Variants in CNTNAP2 observed in about 807,000 individuals in gnomAD.
The protein encoded by CNTNAP2 is contactin associated protein 2, also known as contactin-associated protein-like 2.
Under a neutral mutation model 155.2 loss-of-function variants are expected in CNTNAP2, and 98 were observed. The ratio of observed to expected loss-of-function variants is 0.63; its 90% CI spans 0.54 to 0.75. The LOEUF (loss-of-function observed/expected upper bound fraction) is 0.75, where lower values mean the gene tolerates loss of function less well. Among genes scored for constraint, CNTNAP2 ranks in the 30% least tolerant of loss-of-function variants. The pLI, the probability that CNTNAP2 is intolerant of heterozygous loss-of-function variation, is 0.00. For missense variants in CNTNAP2, 1,727 were observed against 1,688.1 expected (o/e 1.02, Z -0.40); for synonymous variants, 651 against 631.2 (o/e 1.03, Z -0.47).
chr7:147,939,609 G>C (rs1800679100), intron 14 of CNTNAP2, among the ~76,000 whole-genome samples: 1 of 152,120 alleles, frequency 6.6e-6, no homozygotes, highest in Non-Finnish European at 1.5e-5. Context: ...TTACAGGCGT[G>C]AGCCACCACG....
At chr7:147,578,626 A>G (rs558249166) in intron 12 of CNTNAP2, among the ~76,000 whole-genome samples, 3 of 152,284 alleles carry the variant, frequency 2.0e-5, no homozygotes, top group South Asian at 2.1e-4. Context: ...TTCCTAGATT[A>G]TAAGAATGTT....
chr7:147,514,402 A>C (rs1799079503), intron 11 of CNTNAP2, among the ~76,000 whole-genome samples: 1 of 152,008 alleles, frequency 6.6e-6, no homozygotes, highest in African/African-American at 2.4e-5. Flanking sequence ...CATTTTAAAT[A>C]GGTTTCAATA....
intron 22 of CNTNAP2, among the ~76,000 whole-genome samples, chr7:148,391,421 A>T (rs1799345948): frequency 1.3e-5 from 2 of 152,166 alleles, no homozygotes; most frequent in African/African-American, 4.8e-5. Flanking sequence ...TAAACAAAAG[A>T]CTTACACATT....
intron 1 of CNTNAP2, chr7:146,195,135 T>C (rs1798757203): frequency 6.6e-6 from 1 of 152,232 alleles, no homozygotes; most frequent in Admixed American, 6.5e-5. Flanking sequence ...ACCAAGTGTC[T>C]TCAGCCTTGG....
chr7:146,788,400 G>A (rs939996457), intron 2 of CNTNAP2, among the ~76,000 whole-genome samples: 3 of 152,324 alleles, frequency 2.0e-5, no homozygotes, highest in East Asian at 3.9e-4. Context: ...GACTCTTCTC[G>A]TATTATGGTA....
At chr7:147,379,479 G>A (rs150554207) in intron 9 of CNTNAP2, among the ~76,000 whole-genome samples, 40 of 152,144 alleles carry the variant, frequency 2.6e-4, no homozygotes, top group Non-Finnish European at 5.3e-4. Context: ...TGAATCCAGA[G>A]AGGGGTTACA....
At chr7:148,284,697 G>A (rs62470563) in intron 21 of CNTNAP2, among the ~76,000 whole-genome samples, 25,422 of 151,792 alleles carry the variant, frequency 0.17, 2,490 homozygotes, top group Middle Eastern at 0.24. Context: ...CGTGGAAGGG[G>A]AACATAACAT....
At chr7:148,217,686 G>A (rs1374785161) in intron 19 of CNTNAP2, among the ~76,000 whole-genome samples, 162 bp downstream of exon 19, 1 of 152,224 alleles carries the variant, frequency 6.6e-6, no homozygotes, top group Non-Finnish European at 1.5e-5. Flanking sequence ...ATGAATATCA[G>A]GAAAACAACT....
chr7:147,780,411 T>A (rs554968988), intron 13 of CNTNAP2, among the ~76,000 whole-genome samples: 1 of 152,226 alleles, frequency 6.6e-6, no homozygotes, highest in Non-Finnish European at 1.5e-5. Context: ...CAGGTTTTTT[T>A]TAAAGTTTTA....
At chr7:147,532,497 C>T (rs904112108) in intron 11 of CNTNAP2, among the ~76,000 whole-genome samples, 1 of 152,148 alleles carries the variant, frequency 6.6e-6, no homozygotes, top group Non-Finnish European at 1.5e-5. Context: ...TCTTCTCAGC[C>T]CTCCAAACTG....
rs543092234 is a variant in CNTNAP2 at position 147,885,778 on chromosome 7, C to T, written c.2099-17787C>T. Among the ~76,000 whole-genome samples, 42 of 152,284 alleles carry T rather than the reference C, an allele frequency of 2.8e-4. 1 individual carries two copies. Among genetic ancestry groups the T allele is most frequent in the South Asian group, 4.1e-4 (2 of 4,824 alleles). ...ACATTTACCTTTCTGAAACACTCAC[C>T]GCTCGTTTACCTGCTAGAAGCTGGA... On this transcript the variant is annotated intron_variant, in intron 13 of 23. Coordinates refer to ENST00000361727, the MANE Select transcript of CNTNAP2 (RefSeq NM_014141.6).
At chr7:146,359,627 T>C (rs1563054311) in intron 1 of CNTNAP2, among the ~76,000 whole-genome samples, 1 of 152,232 alleles carries the variant, frequency 6.6e-6, no homozygotes, top group African/African-American at 2.4e-5. Flanking sequence ...AACATCTCTA[T>C]GAACATTTCA....
chr7:148,288,246 CCCA>C (rs1298075497), intron 21 of CNTNAP2, among the ~76,000 whole-genome samples: 1 of 151,560 alleles, frequency 6.6e-6, no homozygotes, highest in Non-Finnish European at 1.5e-5. Context: ...ATTACAGGCG[CCCA>C]CCACCATGCC....
chr7:147,547,999 G>T (rs1212086244), intron 11 of CNTNAP2, among the ~76,000 whole-genome samples: 5 of 152,036 alleles, frequency 3.3e-5, no homozygotes, highest in African/African-American at 9.7e-5. Flanking sequence ...TCTTTATCCA[G>T]TCTATCACTG....
chr7:147,058,522 A>C (rs1799605011), intron 4 of CNTNAP2, among the ~76,000 whole-genome samples: 1 of 152,184 alleles, frequency 6.6e-6, no homozygotes, highest in Non-Finnish European at 1.5e-5. Context: ...ATTTTCTCTA[A>C]AACAGAGCAA....
Position 147,259,006 on chromosome 7 carries a change from G to A in CNTNAP2, c.1349-41135G>A, listed in dbSNP as rs1208183877. On this transcript the variant is annotated intron_variant, in intron 8 of 23. Transcript: ENST00000361727. ...ATGAATAAAGCAGATGGAAGTATGG[G>A]ATGGTTTCATATGGAAGTCTACAGG... Among the ~76,000 whole-genome samples, 12 of 152,192 alleles carry A rather than the reference G, an allele frequency of 7.9e-5. 1 individual carries two copies. Among genetic ancestry groups the A allele is most frequent in the Non-Finnish European group, 2.9e-5 (2 of 68,026 alleles).
intron 22 of CNTNAP2, among the ~76,000 whole-genome samples, chr7:148,409,131 G>A (rs1286895287): frequency 6.6e-6 from 1 of 152,180 alleles, no homozygotes; most frequent in Non-Finnish European, 1.5e-5. Flanking sequence ...GGCCAGCTCA[G>A]GTAGCTCTAG....
At chr7:147,808,924 T>A (rs529127874) in intron 13 of CNTNAP2, among the ~76,000 whole-genome samples, 2 of 152,312 alleles carry the variant, frequency 1.3e-5, no homozygotes, top group South Asian at 2.1e-4. Context: ...ACTCATTTTT[T>A]AAATTTTCTA....
At chr7:147,648,670 C>G (rs1563038164) in intron 13 of CNTNAP2, among the ~76,000 whole-genome samples, 1 of 152,252 alleles carries the variant, frequency 6.6e-6, no homozygotes, top group East Asian at 1.9e-4. Flanking sequence ...GAGACTTATT[C>G]ACTATCATGA....
Sources: allele counts gnomAD v4.1 joint callset (sites outside exome capture counted in the v4.1 genomes callset), GRCh38; gene constraint gnomAD v4.1.1; transcripts MANE v1.5; gene names NCBI Gene and HGNC (gene_info 2026-07-23, HGNC 2026-07-21).